Variants in CALCOCO2 observed in about 807,000 individuals in gnomAD.
CALCOCO2 encodes calcium-binding and coiled-coil domain-containing protein 2.
Under a neutral mutation model 62.5 loss-of-function variants are expected in CALCOCO2, and 42 were observed. The observed-to-expected ratio is 0.67, with a 90% confidence interval of 0.53 to 0.87. The LOEUF (loss-of-function observed/expected upper bound fraction) is 0.87. Ranked by LOEUF, CALCOCO2 falls within the 40% of genes least tolerant of loss-of-function variation. CALCOCO2 has a pLI of 0.00. For synonymous variants in CALCOCO2, 167 were observed against 173.0 expected, an observed-to-expected ratio of 0.97 and a Z score of 0.27; for missense variants, 456 against 515.0, an observed-to-expected ratio of 0.89 and a Z score of 1.11.
At chr17:48,845,729 A>C (rs2040043115) in intron 2 of CALCOCO2, among the ~76,000 whole-genome samples, 1 of 42,212 alleles carries the variant, frequency 2.4e-5, no homozygotes, top group African/African-American at 7.2e-5. Flanking sequence ...ACTCCATCTC[A>C]AAAAAAAAAA....
intron 10 of CALCOCO2, chr17:48,856,701 T>C (rs775557578): frequency 2.3e-6 from 1 of 444,026 alleles, no homozygotes; most frequent in Non-Finnish European, 4.5e-6. Flanking sequence ...CCAACATTTA[T>C]TATTGATTGA....
chr17:48,832,420 T>C (rs2039827923), intron 1 of CALCOCO2, among the ~76,000 whole-genome samples: 1 of 152,196 alleles, frequency 6.6e-6, no homozygotes, highest in African/African-American at 2.4e-5. Flanking sequence ...AAAATTTAAT[T>C]TGGCAGTATG....
intron 2 of CALCOCO2, among the ~76,000 whole-genome samples, chr17:48,844,948 G>A (rs1033643152): frequency 4.6e-5 from 7 of 152,024 alleles, no homozygotes; most frequent in African/African-American, 1.4e-4. Context: ...CCAGCCTGGC[G>A]AACATGGTGA....
At chr17:48,857,995 A>AATAGGATAGAATAGG (rs1237446776) in intron 10 of CALCOCO2, among the ~76,000 whole-genome samples, 1 of 22,096 alleles carries the variant, frequency 4.5e-5, no homozygotes, top group African/African-American at 1.3e-4. Flanking sequence ...AATAGAATAG[A>AATAGGATAGAATAGG]ATAGAATAGA....
chr17:48,841,728 T>TC lies in CALCOCO2; in HGVS notation c.27dup (p.Thr10HisfsTer17), dbSNP rs1335944668. On this transcript the variant is annotated frameshift_variant, in exon 2 of 13. Coordinates refer to ENST00000258947, the MANE Select transcript of CALCOCO2 (RefSeq NM_005831.5). LOFTEE classifies it high-confidence loss of function. ...CTACCATGGAGGAGACCATCAAAGA[T>TC]CCCCCCACATCAGCTGTCTTGCTGG... The TC allele has an allele frequency of 1.9e-6, 3 of 1,611,976 alleles. No homozygotes were observed. Among genetic ancestry groups the TC allele is most frequent in the African/African-American group, 1.3e-5 (1 of 74,786 alleles).
rs528884391 is a variant in CALCOCO2 at position 48,848,151 on chromosome 17, G to A, written c.268G>A (p.Glu90Lys). The change falls in exon 3 of 13, where the codon GAA (glutamate) becomes AAA (lysine). Residue 90 changes from glutamate to lysine, a missense_variant. Coordinates refer to ENST00000258947, the MANE Select transcript of CALCOCO2 (RefSeq NM_005831.5). ...AAACAACAAATCAGCTAAACAGCAG[G>A]AAGTCCAATTCAAAGGTGAGAAAAA... ...DLNNKSAKQQ[E>K]VQFKAYYLPK... 11 of 1,610,998 alleles carry A rather than the reference G, an allele frequency of 6.8e-6. No individual in the cohort carries two copies. In the African/African-American group the frequency reaches 9.3e-5, roughly 14 times the overall value.
At chr17:48,831,364 G>A (rs897228157) in intron 1 of CALCOCO2, 1 of 152,200 alleles carries the variant, frequency 6.6e-6, no homozygotes, top group African/African-American at 2.4e-5. Flanking sequence ...CGGCGGCGAG[G>A]GTCTTGAGGC....
chr17:48,845,401 G>A (rs1312675366), intron 2 of CALCOCO2, among the ~76,000 whole-genome samples: 1 of 140,770 alleles, frequency 7.1e-6, no homozygotes, highest in Non-Finnish European at 1.5e-5. Flanking sequence ...GTGTGTGTGT[G>A]TGTGTGTGTG....
Position 48,864,435 on chromosome 17 carries a change from T to G in CALCOCO2, c.*1430T>G, listed in dbSNP as rs573028323. ...AGGAGCAGTGTGGATTTTCGCACCC[T>G]TTGTGAACTAAGTTCAATGCGCTCT... is the stretch of plus-strand genomic sequence containing the variant. On this transcript the variant is annotated 3_prime_UTR_variant, in exon 13 of 13. Transcript: ENST00000258947. 2 of 154,446 alleles carry G rather than the reference T, an allele frequency of 1.3e-5. No homozygotes were observed. The highest frequency in any genetic ancestry group is 4.8e-5 in the African/African-American group (2 of 41,650). 9.6% of individuals were successfully genotyped at this position (154,446 alleles called of 1,614,324 possible). A position where few individuals can be genotyped will look rare whatever the true frequency, so the allele number is the denominator to read the frequency against.
chr17:48,855,385 A>G (rs1312236986), intron 9 of CALCOCO2, among the ~76,000 whole-genome samples: 1 of 152,216 alleles, frequency 6.6e-6, no homozygotes, highest in Admixed American at 6.5e-5. Context: ...AGGGTCGGCT[A>G]GACATGCACA....
chr17:48,848,591 A>G, intron 4 of CALCOCO2, 136 bp downstream of exon 4: 1 of 766,588 alleles, frequency 1.3e-6, no homozygotes, highest in Non-Finnish European at 2.2e-6. Flanking sequence ...GTACTCACAC[A>G]GACTCACTCA....
rs1027446631 is a variant in CALCOCO2, at chr17:48,847,742, G to A, written c.181-322G>A. The A allele has an allele frequency of 2.4e-4, 43 of 182,068 alleles. 1 individual carries two copies. The highest frequency in any genetic ancestry group is 1.2e-4 in the South Asian group (1 of 8,682). 11.3% of individuals were successfully genotyped at this position (182,068 alleles called of 1,614,324 possible). A position where few individuals can be genotyped will look rare whatever the true frequency, so the allele number is the denominator to read the frequency against. Reference sequence around the variant, plus strand: ...GCAATCTCGGCTCACTGCAACCTCCGCCTCCTGGGTTCAAGCAATTCTCCT... The same window carrying A: ...GCAATCTCGGCTCACTGCAACCTCCACCTCCTGGGTTCAAGCAATTCTCCT... On this transcript the variant is annotated intron_variant, in intron 2 of 12. Transcript: ENST00000258947.
In CALCOCO2 at chr17:48,848,398, T is replaced by TA; in HGVS notation, c.361dup (p.Ile121AsnfsTer10). Reference sequence around the variant, plus strand: ...AGGATGGTGTGGTCCGGGGAGCAAGTATTCCTTTCCAATTCCGTCCAGAAA... The same window carrying TA: ...AGGATGGTGTGGTCCGGGGAGCAAGTAATTCCTTTCCAATTCCGTCCAGAAA... On this transcript the variant is annotated frameshift_variant, in exon 4 of 13. Coordinates refer to ENST00000258947, the MANE Select transcript of CALCOCO2 (RefSeq NM_005831.5). LOFTEE classifies it high-confidence loss of function. 1 of 1,613,894 alleles carries TA rather than the reference T, an allele frequency of 6.2e-7. No homozygotes were observed. The highest frequency in any genetic ancestry group is 8.5e-7 in the Non-Finnish European group (1 of 1,179,756).
chr17:48,851,824 TTA>T, intron 7 of CALCOCO2, 196 bp downstream of exon 7: 4 of 504,270 alleles, frequency 7.9e-6, no homozygotes, highest in South Asian at 2.8e-5. Context: ...GCCCCTGCTT[TTA>T]AAAAAAAAAA....
In CALCOCO2 at chr17:48,858,036, A is replaced by G. The variant is rs1275161366; in HGVS notation, c.1008+1849A>G. Among the ~76,000 whole-genome samples the G allele has an allele frequency of 8.8e-3, 136 of 15,492 alleles. 1 individual carries two copies. The highest frequency in any genetic ancestry group is 0.049 in the Admixed American group (70 of 1,420). 10.2% of individuals were successfully genotyped at this position (15,492 alleles called of 152,430 possible). A position where few individuals can be genotyped will look rare whatever the true frequency, so the allele number is the denominator to read the frequency against. ...ATAGAATAGAATAGAATAGAATAGA[A>G]TAGAATAGAAAATAGAATAGAATAG... is the stretch of plus-strand genomic sequence containing the variant. On this transcript the variant is annotated intron_variant, in intron 10 of 12. Coordinates refer to ENST00000258947, the MANE Select transcript of CALCOCO2 (RefSeq NM_005831.5).
At chr17:48,835,474 C>T (rs1257742197) in intron 1 of CALCOCO2, among the ~76,000 whole-genome samples, 1 of 152,166 alleles carries the variant, frequency 6.6e-6, no homozygotes, top group Non-Finnish European at 1.5e-5. Flanking sequence ...CCCTCTGAGT[C>T]CCTTCTGGGA....
chr17:48,844,518 G>A (rs998767262), intron 2 of CALCOCO2, among the ~76,000 whole-genome samples: 2 of 151,294 alleles, frequency 1.3e-5, no homozygotes, highest in Admixed American at 6.6e-5. Flanking sequence ...GCAATGGCGC[G>A]ATCTTGGCTC....
At chr17:48,846,092 AC>A in intron 2 of CALCOCO2, 1 of 1,370,406 alleles carries the variant, frequency 7.3e-7, no homozygotes, top group Non-Finnish European at 1.0e-6. Context: ...AGTATCTGGC[AC>A]CAGGTAGGTA....
At position 48,863,046 on chromosome 17, in the gene CALCOCO2, T is replaced by C. The variant is rs367617158; in HGVS notation, c.*41T>C. The C allele has an allele frequency of 5.1e-5, 71 of 1,397,054 alleles. No individual in the cohort carries two copies. The highest frequency in any genetic ancestry group is 1.0e-4 in the Admixed American group (6 of 59,650). The allele number at this position is 1,397,054 out of a possible 1,614,324, so 86.5% of individuals were successfully genotyped here. On this transcript the variant is annotated 3_prime_UTR_variant, in exon 13 of 13. Transcript: ENST00000258947. The stretch of plus-strand genomic sequence containing the variant: ...GGATGTATACAGAGATTTTATAGAA[T>C]AGAACCTATAGCTTCTACCATGAGT...
Sources: gnomAD v4.1 joint callset for allele counts (sites outside exome capture counted in the v4.1 genomes callset) on GRCh38, gnomAD v4.1.1 for gene constraint, MANE v1.5 for transcripts, NCBI Gene and HGNC (gene_info 2026-07-23, HGNC 2026-07-21) for gene names.